The following TSC2 variants were observed in gnomAD, a reference collection of about 807,000 sequenced individuals.
TSC2 encodes the protein tuberin.
Under a neutral mutation model 202.2 loss-of-function variants are expected in TSC2, and 29 were observed. The observed-to-expected ratio is 0.14, with a 90% CI of 0.11 to 0.20. The LOEUF is 0.20. TSC2 is among the 10% of genes least tolerant of loss of function. TSC2 has a pLI of 1.00. For missense variants in TSC2, 2,429 were observed against 2,420.0 expected (o/e 1.00, Z -0.08); for synonymous variants, 1,349 against 1,044.0 (o/e 1.29, Z -5.63).
intron 30 of TSC2, 28 bp downstream of exon 30, chr16:2,080,405 A>G (rs374702806): frequency 1.1e-5 from 18 of 1,606,156 alleles, no homozygotes; most frequent in Admixed American, 6.7e-5. Context: ...CCTGAGCGCC[A>G]TCTTTCTGCC....
At chr16:2,082,533 C>A (rs1225367509) in intron 32 of TSC2, 29 bp downstream of exon 32, 1 of 1,606,902 alleles carries the variant, frequency 6.2e-7, no homozygotes, top group Non-Finnish European at 8.5e-7. Flanking sequence ...AAGCGGTTGG[C>A]TGCAGAGCGC....
At position 2,048,773 on chromosome 16, in the gene TSC2, CTT is replaced by C. The variant is rs1172065360; in HGVS notation, c.138+22_138+23del. 1.2e-6 allele frequency: 2 copies of C among 1,613,796 alleles called. No homozygotes were observed. Among genetic ancestry groups the C allele is most frequent in the Non-Finnish European group, 1.7e-6 (2 of 1,179,990 alleles). ...CTGAGAGTGAGTGAGCTACCTGTGT[CTT>C]TGCTAGGCTAGAGGGAAATGCAGAG... On this transcript the variant is annotated intron_variant, in intron 2 of 41. Transcript: ENST00000219476.
At chr16:2,062,368 T>TGGGCTGTGGGCTGC in intron 12 of TSC2, 129 bp from the exon 13 acceptor site, 1 of 879,806 alleles carries the variant, frequency 1.1e-6, no homozygotes, top group African/African-American at 1.7e-5. Context: ...CCTTTGTGTC[T>TGGGCTGTGGGCTGC]GGGCTGTGGG....
intron 22 of TSC2, chr16:2,075,120 G>T (rs1286533894): frequency 1.3e-5 from 2 of 156,646 alleles, no homozygotes; most frequent in African/African-American, 4.8e-5. Context: ...GGAGGCTAAG[G>T]CAGGAGGCAG....
At chr16:2,051,534 A>G (rs959294686) in intron 3 of TSC2, among the ~76,000 whole-genome samples, 9 of 152,198 alleles carry the variant, frequency 5.9e-5, no homozygotes, top group African/African-American at 1.9e-4. Context: ...TTGGGCAAAC[A>G]TTGCCAGACT....
At position 2,083,683 on chromosome 16, in the gene TSC2, G is replaced by A. The variant is rs1282062597; in HGVS notation, c.3884-12G>A. On this transcript the variant is annotated splice_polypyrimidine_tract_variant and intron_variant, in intron 32 of 41. Transcript: ENST00000219476. ...AGCCCCACATCCAGCAGCCCCGTCT[G>A]TGTCCTCCCAGACTCCGCCGTGGTC... 1.9e-6 allele frequency: 3 copies of A among 1,573,582 alleles called. No individual in the cohort carries two copies. The highest frequency in any genetic ancestry group is 1.7e-6 in the Non-Finnish European group (2 of 1,159,962).
chr16:2,059,833 G>C (rs1013811061), intron 10 of TSC2, among the ~76,000 whole-genome samples: 1 of 151,914 alleles, frequency 6.6e-6, no homozygotes, highest in Non-Finnish European at 1.5e-5. Context: ...CTAATGTTTT[G>C]TATTTTTATT....
In TSC2 at chr16:2,048,055, C is replaced by T. The variant is rs1057521563; in HGVS notation, c.-40C>T. 2.1e-6 allele frequency: 3 copies of T among 1,423,958 alleles called. No homozygotes were observed. The highest frequency in any genetic ancestry group is 2.9e-5 in the Admixed American group (1 of 33,972). 88.2% of individuals were successfully genotyped at this position (1,423,958 alleles called of 1,614,324 possible). On this transcript the variant is annotated 5_prime_UTR_variant, in exon 1 of 42. Transcript: ENST00000219476. ...GTCGGGGCGGCCCGGAGCGCGGTGG[C>T]GCGGCGCGGGGTAAGTGGCGGTCCC... is the stretch of plus-strand genomic sequence containing the variant.
intron 38 of TSC2, 83 bp from the exon 39 acceptor site, chr16:2,087,780 C>G (rs1208487030): frequency 6.7e-7 from 1 of 1,501,162 alleles, no homozygotes; most frequent in African/African-American, 1.4e-5. Flanking sequence ...TGACAGGTGT[C>G]TAGCAGTGCA....
At position 2,081,604 on chromosome 16, in the gene TSC2, G is replaced by A. The variant is rs397515313; in HGVS notation, c.3620G>A (p.Ser1207Asn). 1 of 1,612,782 alleles carries A rather than the reference G, an allele frequency of 6.2e-7. No homozygotes were observed. Among genetic ancestry groups the A allele is most frequent in the Non-Finnish European group, 8.5e-7 (1 of 1,180,012 alleles). ...ILVRRPTGNT[S>N]WLMSLENPLS... is the part of the protein sequence containing the mutation. ...GCTGCCGCCTCCGCAGGGAACACCA[G>A]CTGGCTGATGAGCCTGGAGAACCCG... Residue 1207 changes from serine to asparagine, a missense_variant, in exon 31 of 42, where the codon AGC becomes AAC. By Grantham distance (46) the Ser-to-Asn change is conservative. Coordinates refer to ENST00000219476, the MANE Select transcript of TSC2 (RefSeq NM_000548.5).
At position 2,086,871 on chromosome 16, in the gene TSC2, G is replaced by A. The variant is rs1567124948; in HGVS notation, c.4989G>A (p.Lys1663=). 3 of 1,583,294 alleles carry A rather than the reference G, an allele frequency of 1.9e-6. No homozygotes were observed. The highest frequency in any genetic ancestry group is 2.6e-6 in the Non-Finnish European group (3 of 1,165,976). The change falls in exon 38 of 42, where the codon AAG becomes AAA. Residue 1663 remains lysine (K), a splice_region_variant and synonymous_variant. Coordinates refer to ENST00000219476, the MANE Select transcript of TSC2 (RefSeq NM_000548.5). ...AGGACTTCAAGCTTGGCACCATCAAGGTGAGTGAGGGGCCGTCAGTGAGGC... is the reference window on the plus strand; with the variant it reads ...AGGACTTCAAGCTTGGCACCATCAAAGTGAGTGAGGGGCCGTCAGTGAGGC... ...SGEDFKLGTI[K]GQFNFVHVIV...
chr16:2,062,764 C>T (rs770029003), intron 13 of TSC2, 164 bp downstream of exon 13: 7 of 923,376 alleles, frequency 7.6e-6, no homozygotes, highest in African/African-American at 1.6e-5. Flanking sequence ...CTTTCCAGTC[C>T]AGCAGGACAG....
chr16:2,055,478 C>T lies in TSC2; in HGVS notation c.558C>T (p.Phe186=), dbSNP rs775642056. Residue 186 remains phenylalanine (F), a synonymous_variant, in exon 6 of 42, where the codon TTC becomes TTT. Transcript: ENST00000219476. The part of the protein sequence containing the change: ...FLLVLVNLVK[F]NSCYLDEYIA... ...TGGTGCTGGTGAACTTGGTCAAATTCAATAGCTGTTACCTCGACGAGTACA... is the reference window on the plus strand; with the variant it reads ...TGGTGCTGGTGAACTTGGTCAAATTTAATAGCTGTTACCTCGACGAGTACA... The T allele has an allele frequency of 6.2e-6, 10 of 1,614,058 alleles. No individual in the cohort carries two copies. Among genetic ancestry groups the T allele is most frequent in the South Asian group, 2.2e-5 (2 of 91,086 alleles).
At chr16:2,082,308 C>G (rs576526825) in intron 31 of TSC2, 128 bp from the exon 32 acceptor site, 9 of 1,060,838 alleles carry the variant, frequency 8.5e-6, no homozygotes, top group Non-Finnish European at 1.3e-5. Flanking sequence ...CACTGGGCCC[C>G]GTGCGCGCCC....
At position 2,079,714 on chromosome 16, in the gene TSC2, C is replaced by T. The variant is rs2089891521; in HGVS notation, c.3397+45C>T. 2.0e-6 allele frequency: 3 copies of T among 1,531,354 alleles called. No individual in the cohort carries two copies. The highest frequency in any genetic ancestry group is 2.0e-5 in the Admixed American group (1 of 50,960). 94.9% of individuals were successfully genotyped at this position (1,531,354 alleles called of 1,614,324 possible). On this transcript the variant is annotated intron_variant, in intron 29 of 41. Transcript: ENST00000219476. The surrounding 1 kb of genome is among the most constrained non-coding windows in gnomAD (Gnocchi z 4.6). ...ACCTCCACACAGGCACCGGGGCTCCCTCAGTTGCTGCTGGTCCCAGTGTTC... is the reference window on the plus strand; with the variant it reads ...ACCTCCACACAGGCACCGGGGCTCCTTCAGTTGCTGCTGGTCCCAGTGTTC...
At chr16:2,061,728 T>C in intron 11 of TSC2, 143 bp from the exon 12 acceptor site, 1 of 1,414,552 alleles carries the variant, frequency 7.1e-7, no homozygotes, top group Non-Finnish European at 9.8e-7. Context: ...CTCAGAGGGC[T>C]GGGGGCGTCT....
intron 17 of TSC2, 171 bp from the exon 18 acceptor site, chr16:2,071,339 G>A: frequency 1.4e-6 from 1 of 695,512 alleles, no homozygotes; most frequent in Non-Finnish European, 2.6e-6. Flanking sequence ...TGGGCCTCCG[G>A]TGTCACCAGG....
At chr16:2,069,325 CT>C (rs1292370226) in intron 16 of TSC2, among the ~76,000 whole-genome samples, 4 of 151,328 alleles carry the variant, frequency 2.6e-5, no homozygotes, top group South Asian at 2.1e-4. Context: ...ATTTAATCAT[CT>C]TTTTTTTTGA....
rs759882146 is a variant in TSC2 at position 2,084,691 on chromosome 16, A to G, written c.4469A>G (p.Glu1490Gly). Reference sequence around the variant, plus strand: ...AGCAGAGCCACAGCCTCCAATGCAGAGAAAGTGCCAGGCATCAACCCCAGG... The same window carrying G: ...AGCAGAGCCACAGCCTCCAATGCAGGGAAAGTGCCAGGCATCAACCCCAGG... ...LKSRATASNA[E>G]KVPGINPSFV... The change falls in exon 34 of 42, where the codon GAG (glutamate) becomes GGG (glycine). Residue 1490 changes from glutamate to glycine, a missense_variant. Glu to Gly is a moderately conservative substitution (Grantham distance 98). Coordinates refer to ENST00000219476, the MANE Select transcript of TSC2 (RefSeq NM_000548.5). 3.1e-5 allele frequency: 50 copies of G among 1,598,262 alleles called. No homozygotes were observed. The East Asian group carries it at 1.1e-3, about 36-fold the overall frequency.
Sources: allele counts gnomAD v4.1 joint callset (sites outside exome capture counted in the v4.1 genomes callset), GRCh38; gene constraint gnomAD v4.1.1; non-coding constraint Gnocchi (gnomAD v3.1); transcripts MANE v1.5; gene names NCBI Gene and HGNC (gene_info 2026-07-23, HGNC 2026-07-21).